The following TRIM37 variants were observed in gnomAD, a reference collection of about 807,000 sequenced individuals.
TRIM37 encodes tripartite motif containing 37.
A neutral mutation model predicts 129.8 loss-of-function variants in TRIM37; 80 were observed. The observed-to-expected ratio is 0.62, with a 90% CI of 0.51 to 0.74. TRIM37 has a LOEUF of 0.74. Among genes scored for constraint, TRIM37 ranks in the 30% least tolerant of loss-of-function variants. TRIM37 has a pLI of 0.00. For missense variants in TRIM37, 1,054 were observed against 1,176.5 expected, an observed-to-expected ratio of 0.90 and a Z score of 1.52; for synonymous variants, 389 against 387.1, an observed-to-expected ratio of 1.00 and a Z score of -0.06.
At chr17:59,027,862 C>T (rs8077332) in intron 19 of TRIM37, among the ~76,000 whole-genome samples, 102,262 of 151,976 alleles carry the variant, frequency 0.67, 35,046 homozygotes, top group African/African-American at 0.8. Flanking sequence ...CCATACTGGT[C>T]TTCCTTCAAT....
intron 17 of TRIM37, among the ~76,000 whole-genome samples, chr17:59,040,516 T>C (rs1395957570): frequency 6.6e-6 from 1 of 151,956 alleles, no homozygotes; most frequent in Non-Finnish European, 1.5e-5. Flanking sequence ...GAAAAGACAG[T>C]AATTTGTGTT....
At chr17:59,007,038 G>A (rs1371240979) in intron 22 of TRIM37, among the ~76,000 whole-genome samples, 1 of 151,976 alleles carries the variant, frequency 6.6e-6, no homozygotes, top group African/African-American at 2.4e-5. Context: ...TCCACTCCCA[G>A]AATGCTGTTC....
intron 24 of TRIM37, among the ~76,000 whole-genome samples, chr17:58,990,997 AC>A (rs1012757872): frequency 1.5e-4 from 22 of 149,456 alleles, no homozygotes; most frequent in African/African-American, 5.2e-4. Flanking sequence ...ACATGGTGAA[AC>A]CCCATTTCTA....
intron 22 of TRIM37, among the ~76,000 whole-genome samples, chr17:59,007,458 A>G (rs1234600644): frequency 4.6e-5 from 7 of 152,164 alleles, no homozygotes; most frequent in Non-Finnish European, 1.0e-4. Flanking sequence ...TATTCCTCTT[A>G]AAGAGGCCAC....
intron 22 of TRIM37, among the ~76,000 whole-genome samples, chr17:59,005,016 G>A (rs771658873): frequency 1.3e-5 from 2 of 152,170 alleles, no homozygotes; most frequent in African/African-American, 2.4e-5. Context: ...GAGCAGAGAC[G>A]GTTAAAGAGG....
intron 1 of TRIM37, among the ~76,000 whole-genome samples, chr17:59,105,397 C>T (rs1174188493): frequency 6.6e-6 from 1 of 151,948 alleles, no homozygotes; most frequent in Non-Finnish European, 1.5e-5. Context: ...GGAACAACAA[C>T]AACAAAAATA....
chr17:59,059,675 T>C (rs1296169931), intron 12 of TRIM37, among the ~76,000 whole-genome samples: 2 of 152,198 alleles, frequency 1.3e-5, no homozygotes, highest in Non-Finnish European at 2.9e-5. Context: ...TTTTACTCTG[T>C]TGGATGTTAG....
At chr17:59,012,806 G>A (rs1018409576) in intron 21 of TRIM37, among the ~76,000 whole-genome samples, 17 of 151,812 alleles carry the variant, frequency 1.1e-4, no homozygotes, top group Admixed American at 2.6e-4. Context: ...AACCCGGGAC[G>A]TGGAGGTTGC....
chr17:59,009,116 GTTCTTTTTTTTCTTTTC>G (rs2034916835), intron 22 of TRIM37, among the ~76,000 whole-genome samples: 1 of 152,026 alleles, frequency 6.6e-6, no homozygotes, highest in Non-Finnish European at 1.5e-5. Flanking sequence ...GCTCTTCCAA[GTTCTTTTTTTTCTTTTC>G]TTCTTTTTTT....
At chr17:58,968,014 G>A in the TRIM37 span, among the ~76,000 whole-genome samples, 1 of 152,044 alleles carries the variant, frequency 6.6e-6, no homozygotes, top group African/African-American at 2.4e-5. Context: ...ATGTTGGCCA[G>A]GATGGTCTTG....
chr17:59,065,292 T>C (rs1296131277), intron 9 of TRIM37, among the ~76,000 whole-genome samples: 2 of 152,186 alleles, frequency 1.3e-5, no homozygotes, highest in Non-Finnish European at 2.9e-5. Context: ...CCAAACTTCC[T>C]ACTCTGGAAT....
chr17:59,075,820 G>A (rs1373971956), intron 7 of TRIM37, 106 bp from the exon 8 acceptor site: 1 of 861,758 alleles, frequency 1.2e-6, no homozygotes, highest in Non-Finnish European at 1.9e-6. Context: ...CTTCAAGTAA[G>A]CAAAAATTCT....
chr17:59,035,572 T>C (rs538323260), intron 17 of TRIM37, among the ~76,000 whole-genome samples: 2 of 151,458 alleles, frequency 1.3e-5, no homozygotes, highest in East Asian at 2.0e-4. Flanking sequence ...GCCACAATGG[T>C]GAAACCGTCT....
intron 13 of TRIM37, among the ~76,000 whole-genome samples, chr17:59,055,793 G>A (rs976954987): frequency 6.6e-6 from 1 of 151,846 alleles, no homozygotes; most frequent in Non-Finnish European, 1.5e-5. Context: ...GGTGGGAGGA[G>A]GGAGAGGATA....
At chr17:58,967,803 C>CTTTT in the TRIM37 span, among the ~76,000 whole-genome samples, 4 of 138,052 alleles carry the variant, frequency 2.9e-5, no homozygotes, top group Non-Finnish European at 3.2e-5. Flanking sequence ...TTCTTTATTT[C>CTTTT]TTTTTTTTTT....
downstream of TRIM37, among the ~76,000 whole-genome samples, chr17:58,978,270 C>T (rs1847916092): frequency 6.6e-6 from 1 of 152,190 alleles, no homozygotes; most frequent in South Asian, 2.1e-4. Context: ...AAGCAATATG[C>T]CACTGCTATA....
chr17:59,068,662 A>G (rs1469925933), intron 9 of TRIM37, among the ~76,000 whole-genome samples: 1 of 152,222 alleles, frequency 6.6e-6, no homozygotes, highest in Non-Finnish European at 1.5e-5. Flanking sequence ...TTTAAACAAA[A>G]AAGTCAGTGC....
intron 20 of TRIM37, 114 bp from the exon 21 acceptor site, chr17:59,015,913 A>G: frequency 1.0e-6 from 1 of 961,060 alleles, no homozygotes; most frequent in Admixed American, 2.0e-5. Context: ...TGGGAGGCGG[A>G]GGTTGCAGTG....
At chr17:58,988,152 T>C (rs2031993840) in intron 24 of TRIM37, among the ~76,000 whole-genome samples, 1 of 152,124 alleles carries the variant, frequency 6.6e-6, no homozygotes, top group African/African-American at 2.4e-5. Context: ...CTAAAAGTGA[T>C]GATTGGTGAA....
Sources: allele counts gnomAD v4.1 joint callset (sites outside exome capture counted in the v4.1 genomes callset), GRCh38; gene constraint gnomAD v4.1.1; transcripts MANE v1.5; gene names NCBI Gene and HGNC (gene_info 2026-07-23, HGNC 2026-07-21).